The following ANKS1B variants were observed in gnomAD, a reference collection of about 807,000 sequenced individuals.
ANKS1B encodes the protein ankyrin repeat and sterile alpha motif domain containing 1B.
ANKS1B carries 36 observed loss-of-function variants against 148.3 expected under a neutral mutation model. The observed-to-expected ratio is 0.24, with a 90% CI of 0.19 to 0.32. The LOEUF (loss-of-function observed/expected upper bound fraction) is 0.32. ANKS1B is among the 10% of genes least tolerant of loss of function. The pLI, the probability that ANKS1B is intolerant of heterozygous loss-of-function variation, is 1.00. For synonymous variants in ANKS1B, 542 were observed against 560.8 expected (o/e 0.97, Z 0.47); for missense variants, 1,157 against 1,542.6 (o/e 0.75, Z 4.19).
chr12:99,357,507 T>C (rs1022569248), intron 12 of ANKS1B, among the ~76,000 whole-genome samples: 1 of 152,080 alleles, frequency 6.6e-6, no homozygotes, highest in Non-Finnish European at 1.5e-5. Context: ...CATCTGGGTG[T>C]TGGGTGGATA....
chr12:99,009,319 A>G (rs1355036999), intron 17 of ANKS1B, among the ~76,000 whole-genome samples: 2 of 152,208 alleles, frequency 1.3e-5, no homozygotes, highest in East Asian at 3.8e-4. Context: ...TCTCAGAAGA[A>G]TCAATTTCTG....
intron 8 of ANKS1B, among the ~76,000 whole-genome samples, chr12:99,673,540 T>C (rs369686259): frequency 6.6e-6 from 1 of 152,172 alleles, no homozygotes. Context: ...TTATATGACA[T>C]AAAATGTCAA....
At chr12:99,429,172 A>G (rs2095320177) in intron 11 of ANKS1B, among the ~76,000 whole-genome samples, 1 of 152,168 alleles carries the variant, frequency 6.6e-6, no homozygotes, top group Non-Finnish European at 1.5e-5. Flanking sequence ...CAAACAAACG[A>G]AGAGAAAGAG....
intron 9 of ANKS1B, among the ~76,000 whole-genome samples, chr12:99,586,460 T>C (rs981346373): frequency 6.6e-6 from 1 of 152,206 alleles, no homozygotes; most frequent in African/African-American, 2.4e-5. Context: ...CTTTCCCACA[T>C]CTTCCTGTCC....
chr12:99,942,556 G>A (rs1366384428), intron 1 of ANKS1B, among the ~76,000 whole-genome samples: 1 of 152,076 alleles, frequency 6.6e-6, no homozygotes, highest in East Asian at 1.9e-4. Flanking sequence ...AAGATTATAT[G>A]AGTATGTCTT....
chr12:99,545,506 G>A (rs969550610), intron 9 of ANKS1B, among the ~76,000 whole-genome samples: 4 of 151,944 alleles, frequency 2.6e-5, no homozygotes, highest in African/African-American at 9.7e-5. Context: ...ACTATTGGGA[G>A]GCAAAGGGGT....
chr12:99,793,280 T>C (rs936385916), intron 4 of ANKS1B, among the ~76,000 whole-genome samples: 5 of 152,066 alleles, frequency 3.3e-5, no homozygotes, highest in African/African-American at 1.2e-4. Flanking sequence ...AATCTACAGA[T>C]TCAATGCAAT....
chr12:99,176,686 T>C (rs1482395707), intron 14 of ANKS1B, among the ~76,000 whole-genome samples: 3 of 152,152 alleles, frequency 2.0e-5, no homozygotes, highest in Non-Finnish European at 4.4e-5. Flanking sequence ...TAGCGATAAG[T>C]GAGCTCTCAT....
intron 8 of ANKS1B, among the ~76,000 whole-genome samples, chr12:99,767,685 T>C (rs1318338317): frequency 1.3e-5 from 2 of 152,138 alleles, no homozygotes; most frequent in Non-Finnish European, 2.9e-5. Context: ...CATTCTAGAT[T>C]ATATAATGTC....
chr12:98,950,816 G>A (rs11837142), intron 17 of ANKS1B, among the ~76,000 whole-genome samples: 8,878 of 152,040 alleles, frequency 0.058, 642 homozygotes, highest in African/African-American at 0.16. Context: ...CCCAAGCTAC[G>A]GTGCAGTGGT....
chr12:98,924,530 G>A (rs1241246231), intron 17 of ANKS1B, among the ~76,000 whole-genome samples: 1 of 152,056 alleles, frequency 6.6e-6, no homozygotes, highest in Non-Finnish European at 1.5e-5. Context: ...GCCACCCTCT[G>A]TCTCTCTTTT....
intron 15 of ANKS1B, among the ~76,000 whole-genome samples, chr12:99,146,653 T>C (rs1302520111): frequency 6.6e-6 from 1 of 152,158 alleles, no homozygotes; most frequent in Non-Finnish European, 1.5e-5. Flanking sequence ...GGCTGGCTTC[T>C]CTTTAAACTA....
intron 12 of ANKS1B, among the ~76,000 whole-genome samples, chr12:99,312,668 A>C (rs942499788): frequency 2.0e-4 from 30 of 152,308 alleles, no homozygotes; most frequent in African/African-American, 6.0e-4. Flanking sequence ...ATGAATAGGT[A>C]AATATTTTTA....
intron 8 of ANKS1B, among the ~76,000 whole-genome samples, chr12:99,713,873 T>C (rs966568265): frequency 2.8e-4 from 42 of 152,144 alleles, no homozygotes; most frequent in African/African-American, 9.9e-4. Context: ...CAACCACATT[T>C]TTAGGTATTT....
intron 14 of ANKS1B, among the ~76,000 whole-genome samples, chr12:99,240,447 C>T (rs1357450114): frequency 6.6e-6 from 1 of 152,130 alleles, no homozygotes; most frequent in Admixed American, 6.5e-5. Context: ...GACATAGACT[C>T]CCATACAATA....
intron 17 of ANKS1B, among the ~76,000 whole-genome samples, chr12:99,036,203 T>A (rs1160973277): frequency 1.3e-5 from 2 of 152,192 alleles, no homozygotes; most frequent in Non-Finnish European, 2.9e-5. Context: ...ACTGAAAAAG[T>A]TAGATTCCTG....
At chr12:99,084,046 G>A (rs1027095723) in intron 16 of ANKS1B, 4 of 152,190 alleles carry the variant, frequency 2.6e-5, no homozygotes, top group Non-Finnish European at 4.4e-5. Context: ...GTAACACACT[G>A]CTTACAGTAA....
At chr12:99,423,178 G>A (rs941232362) in intron 11 of ANKS1B, among the ~76,000 whole-genome samples, 3 of 152,014 alleles carry the variant, frequency 2.0e-5, no homozygotes, top group Non-Finnish European at 4.4e-5. Context: ...TAGTGTTAAG[G>A]GCCCAGAAGA....
At chr12:99,362,093 C>T (rs1426069963) in intron 12 of ANKS1B, among the ~76,000 whole-genome samples, 1 of 151,944 alleles carries the variant, frequency 6.6e-6, no homozygotes, top group African/African-American at 2.4e-5. Flanking sequence ...TATCCTAACA[C>T]ATCATAAGGA....
Sources: gnomAD v4.1 joint callset for allele counts (sites outside exome capture counted in the v4.1 genomes callset) on GRCh38, gnomAD v4.1.1 for gene constraint, MANE v1.5 for transcripts, NCBI Gene and HGNC (gene_info 2026-07-23, HGNC 2026-07-21) for gene names.